Variants in UPRT observed in about 807,000 individuals in gnomAD.
UPRT encodes uracil phosphoribosyltransferase homolog.
UPRT carries 5 observed loss-of-function variants against 22.6 expected under a neutral mutation model. The ratio of observed to expected loss-of-function variants is 0.22; its 90% CI spans 0.12 to 0.47. The LOEUF is 0.47. Ranked by LOEUF, UPRT falls within the 20% of genes least tolerant of loss-of-function variation. The pLI is 0.99. For missense variants in UPRT, 181 were observed against 239.9 expected (o/e 0.75, Z 1.62); for synonymous variants, 77 against 87.7 (o/e 0.88, Z 0.68).
intron 1 of UPRT, among the ~76,000 whole-genome samples, chrX:75,160,543 T>A (rs1401603146): frequency 8.9e-6 from 1 of 112,269 alleles, no homozygotes; most frequent in Non-Finnish European, 1.9e-5. Context: ...GTTTATTTAT[T>A]TTTTAGAGAC....
intron 4 of UPRT, among the ~76,000 whole-genome samples, chrX:75,220,017 A>G (rs1177896221): frequency 9.1e-6 from 1 of 110,270 alleles, no homozygotes; most frequent in East Asian, 2.8e-4. Context: ...AGTGTTGAAG[A>G]CTCTAACGAT....
intron 4 of UPRT, among the ~76,000 whole-genome samples, chrX:75,240,973 T>A (rs779840788): frequency 9.0e-6 from 1 of 111,171 alleles, no homozygotes; most frequent in Non-Finnish European, 1.9e-5. Flanking sequence ...CACCAAAAAA[T>A]TCTAGAAGAT....
intron 4 of UPRT, among the ~76,000 whole-genome samples, chrX:75,250,272 G>T (rs774063624): frequency 2.7e-5 from 3 of 109,712 alleles, no homozygotes; most frequent in African/African-American, 9.9e-5. Flanking sequence ...GAATTCAGGA[G>T]CTGGTTTTTT....
chrX:75,257,748 C>A (rs1194935728), intron 4 of UPRT, among the ~76,000 whole-genome samples: 1 of 111,394 alleles, frequency 9.0e-6, no homozygotes, highest in African/African-American at 3.3e-5. Flanking sequence ...AAATCAAGAA[C>A]TCAACCCTTT....
At chrX:75,209,272 G>A (rs2082374208) in intron 4 of UPRT, among the ~76,000 whole-genome samples, 1 of 111,947 alleles carries the variant, frequency 8.9e-6, no homozygotes. Context: ...GGTGGTAGTG[G>A]TGATGGGCCA....
chrX:75,261,512 T>G (rs972282011), intron 4 of UPRT, among the ~76,000 whole-genome samples: 8 of 111,578 alleles, frequency 7.2e-5, no homozygotes, highest in Admixed American at 5.7e-4. Context: ...GCTCTGAAAT[T>G]GAAGCAATAA....
intron 4 of UPRT, among the ~76,000 whole-genome samples, chrX:75,170,488 T>C (rs2082224191): frequency 8.9e-6 from 1 of 112,197 alleles, no homozygotes; most frequent in African/African-American, 3.2e-5. Flanking sequence ...GGTGAGTCTC[T>C]TGAAGATGGC....
chrX:75,297,819 T>TGGG, intron 4 of UPRT: 1 of 337,682 alleles, frequency 3.0e-6, no homozygotes, highest in Admixed American at 4.8e-5. Flanking sequence ...GATGGGAGGA[T>TGGG]AGGAGGATGT....
intron 4 of UPRT, 162 bp downstream of exon 4, chrX:75,297,715 T>C (rs1205138996): frequency 2.6e-5 from 15 of 585,227 alleles, no homozygotes; most frequent in Non-Finnish European, 3.8e-5. Flanking sequence ...TCATGGCCTG[T>C]GTGAGGCTAG....
chrX:75,265,791 T>C (rs1037320166), intron 4 of UPRT, among the ~76,000 whole-genome samples: 28 of 111,228 alleles, frequency 2.5e-4, no homozygotes, highest in Non-Finnish European at 4.3e-4. Context: ...CTGCTGTTTT[T>C]CCCCCATCTT....
At chrX:75,219,319 G>A (rs924067976) in intron 4 of UPRT, among the ~76,000 whole-genome samples, 2 of 112,061 alleles carry the variant, frequency 1.8e-5, no homozygotes, top group African/African-American at 6.5e-5. Flanking sequence ...TCCCCAGTAT[G>A]AAATATAAGA....
intron 4 of UPRT, among the ~76,000 whole-genome samples, chrX:75,186,424 G>A (rs1241637457): frequency 9.0e-6 from 1 of 111,431 alleles, no homozygotes; most frequent in Non-Finnish European, 1.9e-5. Context: ...CATTTGCTGA[G>A]GAGAGCTTTA....
chrX:75,297,768 G>T, intron 4 of UPRT: 1 of 391,074 alleles, frequency 2.6e-6, no homozygotes, highest in East Asian at 4.1e-5. Flanking sequence ...CTAATAGAGT[G>T]CTCCCATGGG....
intron 4 of UPRT, among the ~76,000 whole-genome samples, chrX:75,245,888 G>A (rs2082503856): frequency 1.8e-5 from 2 of 111,521 alleles, no homozygotes; most frequent in South Asian, 3.8e-4. Context: ...ATCAACCCAT[G>A]TGACACGGAA....
chrX:75,234,704 T>G (rs1228722483), intron 4 of UPRT, among the ~76,000 whole-genome samples: 7 of 110,316 alleles, frequency 6.3e-5, no homozygotes, highest in Non-Finnish European at 1.3e-4. Flanking sequence ...CATAACGAAA[T>G]GAAGGCAGAA....
intron 4 of UPRT, among the ~76,000 whole-genome samples, chrX:75,174,709 C>T (rs2082241396): frequency 8.9e-6 from 1 of 111,836 alleles, no homozygotes; most frequent in Non-Finnish European, 1.9e-5. Context: ...TCACTGCTGC[C>T]AAAGAGTCTG....
intron 4 of UPRT, among the ~76,000 whole-genome samples, chrX:75,190,890 T>G (rs1488105177): frequency 9.0e-6 from 1 of 111,437 alleles, no homozygotes; most frequent in Non-Finnish European, 1.9e-5. Flanking sequence ...TATTTTTTTT[T>G]CAAGGTTTTT....
chrX:75,298,095 C>A (rs749464323), intron 4 of UPRT, among the ~76,000 whole-genome samples: 1 of 108,424 alleles, frequency 9.2e-6, no homozygotes, highest in Non-Finnish European at 1.9e-5. Context: ...CCTCCCACCT[C>A]AGCCTCCTGA....
At chrX:75,176,555 C>A (rs940683155) in intron 4 of UPRT, among the ~76,000 whole-genome samples, 13 of 111,140 alleles carry the variant, frequency 1.2e-4, no homozygotes, top group African/African-American at 4.3e-4. Context: ...CTGGGTTGGG[C>A]CAAATTCCCC....
Sources: allele counts gnomAD v4.1 joint callset (sites outside exome capture counted in the v4.1 genomes callset), GRCh38; gene constraint gnomAD v4.1.1; transcripts MANE v1.5; gene names NCBI Gene and HGNC (gene_info 2026-07-23, HGNC 2026-07-21).